SYNE1: variants seen among roughly 807,000 people sequenced by gnomAD.
The protein encoded by SYNE1 is nesprin-1.
Under a neutral mutation model 1,111.0 loss-of-function variants are expected in SYNE1, and 616 were observed. The ratio of observed to expected loss-of-function variants is 0.55; its 90% CI spans 0.52 to 0.59. The LOEUF (loss-of-function observed/expected upper bound fraction) is 0.59, where lower values mean the gene tolerates loss of function less well. Ranked by LOEUF, SYNE1 falls within the 20% of genes least tolerant of loss-of-function variation. The probability of loss-of-function intolerance (pLI) is 0.00; values close to 1 mark genes in which losing one functional copy is unlikely to be tolerated. For missense variants in SYNE1, 10,006 were observed against 10,417.0 expected (o/e 0.96, Z 1.72); for synonymous variants, 3,855 against 3,825.8 (o/e 1.01, Z -0.28).
rs1324309214 is a variant in SYNE1 at position 152,352,099 on chromosome 6, C to T, written c.11508G>A (p.Gln3836=). The change falls in exon 70 of 146, where the codon CAG becomes CAA. Residue 3836 remains glutamine, a synonymous_variant. Coordinates refer to ENST00000367255, the MANE Select transcript of SYNE1 (RefSeq NM_182961.4). ...GTTCTTCAGGAACATGTAGAATTTC[C>T]TGGTATTCTGCTATCCACTGTGTCA... ...KALTQWIAEY[Q]EILHVPEEPK... The T allele has an allele frequency of 6.2e-7, 1 of 1,614,184 alleles. No individual in the cohort carries two copies. Among genetic ancestry groups the T allele is most frequent in the Admixed American group, 1.7e-5 (1 of 60,024 alleles).
At chr6:152,437,172 G>A (rs555428705) in intron 32 of SYNE1, among the ~76,000 whole-genome samples, 55 of 152,162 alleles carry the variant, frequency 3.6e-4, no homozygotes, top group African/African-American at 1.3e-3. Context: ...AAGAGAGAGA[G>A]AAGTAATCAA....
At chr6:152,164,749 A>C (rs1003595696) in intron 130 of SYNE1, among the ~76,000 whole-genome samples, 6 of 152,350 alleles carry the variant, frequency 3.9e-5, no homozygotes, top group Admixed American at 1.3e-4. Context: ...GGTGATAATA[A>C]GCATATGATC....
At chr6:152,264,513 C>G (rs1481438629) in intron 100 of SYNE1, among the ~76,000 whole-genome samples, 1 of 151,770 alleles carries the variant, frequency 6.6e-6, no homozygotes, top group African/African-American at 2.4e-5. Context: ...TTTCTGTAAA[C>G]TGGCCAGGCA....
intron 3 of SYNE1, among the ~76,000 whole-genome samples, chr6:152,595,390 C>A (rs1329921811): frequency 6.6e-6 from 1 of 152,132 alleles, no homozygotes; most frequent in Non-Finnish European, 1.5e-5. Flanking sequence ...ATTGCAAGAA[C>A]CTTTATGTTT....
At chr6:152,169,627 CA>C (rs58087660) in intron 130 of SYNE1, among the ~76,000 whole-genome samples, 32,821 of 71,364 alleles carry the variant, frequency 0.46, 6,237 homozygotes, top group Middle Eastern at 0.58. Flanking sequence ...CACCTCATCT[CA>C]AAAAAAAAAA....
chr6:152,374,215 A>G (rs2154098855), intron 58 of SYNE1, among the ~76,000 whole-genome samples: 1 of 152,338 alleles, frequency 6.6e-6, no homozygotes, highest in South Asian at 2.1e-4. Flanking sequence ...TCATGTGGCT[A>G]GAGCTCAAAG....
intron 87 of SYNE1, among the ~76,000 whole-genome samples, chr6:152,312,851 C>T (rs946486373): frequency 2.6e-5 from 4 of 152,006 alleles, no homozygotes; most frequent in African/African-American, 4.8e-5. Flanking sequence ...CTTTTTCACC[C>T]GACCTTAGCG....
intron 145 of SYNE1, chr6:152,127,475 G>A (rs546438462): frequency 2.0e-4 from 31 of 152,166 alleles, no homozygotes; most frequent in African/African-American, 7.5e-4. Flanking sequence ...GATACCAAGG[G>A]TGTGCCGACT....
chr6:152,378,564 C>A (rs1275937700), intron 56 of SYNE1, among the ~76,000 whole-genome samples: 1 of 152,174 alleles, frequency 6.6e-6, no homozygotes, highest in Non-Finnish European at 1.5e-5. Flanking sequence ...TTCATTATTT[C>A]TTTTGGGGGT....
chr6:152,519,612 T>G (rs2099129173), intron 6 of SYNE1, among the ~76,000 whole-genome samples: 1 of 152,094 alleles, frequency 6.6e-6, no homozygotes, highest in Non-Finnish European at 1.5e-5. Flanking sequence ...TTCCAATTAA[T>G]AAATATAGAA....
chr6:152,614,775 C>A (rs1177105048), intron 3 of SYNE1, among the ~76,000 whole-genome samples: 1 of 152,166 alleles, frequency 6.6e-6, no homozygotes, highest in Non-Finnish European at 1.5e-5. Context: ...AAATGTGGCA[C>A]ATATACACCA....
intron 3 of SYNE1, among the ~76,000 whole-genome samples, chr6:152,578,675 TC>T (rs2099509484): frequency 6.6e-6 from 1 of 152,186 alleles, no homozygotes; most frequent in Admixed American, 6.5e-5. Context: ...ATTTCAAGAT[TC>T]CCTTTGAAAT....
chr6:152,251,619 C>T (rs1366028938), intron 104 of SYNE1, among the ~76,000 whole-genome samples: 1 of 151,522 alleles, frequency 6.6e-6, no homozygotes, highest in African/African-American at 2.4e-5. Context: ...ATTAGCCGGG[C>T]GTAGTGGCGG....
intron 3 of SYNE1, among the ~76,000 whole-genome samples, chr6:152,617,561 G>A (rs2099660832): frequency 6.6e-6 from 1 of 152,130 alleles, no homozygotes; most frequent in South Asian, 2.1e-4. Flanking sequence ...AATAAACTAA[G>A]TGCCTACTAA....
At chr6:152,486,152 G>A (rs985195282) in intron 12 of SYNE1, among the ~76,000 whole-genome samples, 1 of 151,682 alleles carries the variant, frequency 6.6e-6, no homozygotes, top group Non-Finnish European at 1.5e-5. Flanking sequence ...CTGAGATCAC[G>A]ATCATGCCAC....
At chr6:152,269,399 T>A (rs1056638707) in intron 98 of SYNE1, 113 bp from the exon 99 acceptor site, 2 of 1,537,820 alleles carry the variant, frequency 1.3e-6, no homozygotes, top group Admixed American at 3.5e-5. Flanking sequence ...GTGGCTCCAC[T>A]GGGATGTGAA....
intron 46 of SYNE1, among the ~76,000 whole-genome samples, chr6:152,401,906 A>C (rs1224144323): frequency 6.6e-6 from 1 of 152,196 alleles, no homozygotes; most frequent in Non-Finnish European, 1.5e-5. Context: ...ATTGAAAAAC[A>C]ATCTCAATTC....
chr6:152,206,096 G>A, intron 126 of SYNE1, 72 bp downstream of exon 126: 2 of 1,389,968 alleles, frequency 1.4e-6, no homozygotes, highest in Non-Finnish European at 2.0e-6. Flanking sequence ...TTGATTTGTA[G>A]AATAACAATG....
intron 3 of SYNE1, among the ~76,000 whole-genome samples, chr6:152,568,629 C>G (rs1052323834): frequency 1.3e-5 from 2 of 151,906 alleles, no homozygotes; most frequent in Admixed American, 6.6e-5. Flanking sequence ...GAGACAGGGT[C>G]TCTCTATGTA....
Sources: allele counts gnomAD v4.1 joint callset (sites outside exome capture counted in the v4.1 genomes callset), GRCh38; gene constraint gnomAD v4.1.1; transcripts MANE v1.5; gene names NCBI Gene and HGNC (gene_info 2026-07-23, HGNC 2026-07-21).